The following FBN1 variants were observed in gnomAD, a reference collection of about 807,000 sequenced individuals.
FBN1 encodes fibrillin 1.
Under a neutral mutation model 365.1 loss-of-function variants are expected in FBN1, and 29 were observed. The ratio of observed to expected loss-of-function variants is 0.08; its 90% confidence interval spans 0.06 to 0.11. FBN1 has a LOEUF of 0.11. Among genes scored for constraint, FBN1 ranks in the 10% least tolerant of loss-of-function variants. The probability of loss-of-function intolerance (pLI) is 1.00; values close to 1 mark genes in which losing one functional copy is unlikely to be tolerated. For missense variants in FBN1, 2,476 were observed against 3,703.2 expected (o/e 0.67, Z 8.60); for synonymous variants, 1,210 against 1,270.5 (o/e 0.95, Z 1.01).
At chr15:48,621,315 G>T (rs1220822678) in intron 2 of FBN1, among the ~76,000 whole-genome samples, 2 of 152,136 alleles carry the variant, frequency 1.3e-5, no homozygotes, top group African/African-American at 2.4e-5. Flanking sequence ...TCCTATCTCA[G>T]CCAGGCAATG....
At chr15:48,526,646 C>T (rs74011848) in intron 8 of FBN1, among the ~76,000 whole-genome samples, 1,893 of 152,176 alleles carry the variant, frequency 0.012, 39 homozygotes, top group African/African-American at 0.044. Flanking sequence ...TTCTGTATCA[C>T]TTCTTGCGCT....
chr15:48,420,901 C>T, intron 62 of FBN1, 95 bp from the exon 63 acceptor site: 2 of 1,402,668 alleles, frequency 1.4e-6, no homozygotes, highest in Non-Finnish European at 2.0e-6. Context: ...ACACATCCTA[C>T]ACATTATTCT....
At chr15:48,429,840 T>C (rs1056198952) in intron 56 of FBN1, among the ~76,000 whole-genome samples, 3 of 152,242 alleles carry the variant, frequency 2.0e-5, no homozygotes, top group African/African-American at 4.8e-5. Flanking sequence ...ACATAAAATA[T>C]ATCTTTATAA....
chr15:48,525,243 C>A (rs530253411), intron 9 of FBN1, among the ~76,000 whole-genome samples: 67 of 152,178 alleles, frequency 4.4e-4, no homozygotes, highest in Non-Finnish European at 7.6e-4. Context: ...CCCGCCACGA[C>A]GCCTGGCAAA....
Position 48,596,344 on chromosome 15 carries a change from C to A in FBN1, c.477G>T (p.Arg159Ser), listed in dbSNP as rs1456579664. ...ATGCACATCGATTTGGGGCCACACA[C>A]CTTCCTCCATTGAGACAGCCACTTT... Reference protein sequence around the residue: ...VCESGCLNGGRCVAPNRCACT... With the variant: ...VCESGCLNGGSCVAPNRCACT... Residue 159 changes from arginine (R) to serine (S), a missense_variant, in exon 6 of 66, where the codon AGG (arginine) becomes AGT (serine). By Grantham distance (110) the Arg-to-Ser change is moderately radical (BLOSUM62 -1). Around this residue, in one of 5 missense-constraint regions of FBN1, gnomAD observed 421 missense variants for 520.1 expected, o/e 0.81. Transcript: ENST00000316623. 5 of 1,614,080 alleles carry A rather than the reference C, an allele frequency of 3.1e-6. No individual in the cohort carries two copies. Among genetic ancestry groups the A allele is most frequent in the Non-Finnish European group, 4.2e-6 (5 of 1,179,934 alleles).
intron 6 of FBN1, among the ~76,000 whole-genome samples, chr15:48,567,920 T>C (rs1597609432): frequency 6.6e-6 from 1 of 151,824 alleles, no homozygotes; most frequent in African/African-American, 2.4e-5. Context: ...ATATCAGTTC[T>C]TGTTACTTCT....
intron 17 of FBN1, among the ~76,000 whole-genome samples, chr15:48,501,640 C>T (rs2043659110): frequency 2.0e-5 from 3 of 152,030 alleles, no homozygotes; most frequent in Non-Finnish European, 4.4e-5. Flanking sequence ...TGCACTTGGT[C>T]CAGAGGAAAA....
chr15:48,620,963 G>C (rs1468923151), intron 2 of FBN1, among the ~76,000 whole-genome samples: 4 of 152,176 alleles, frequency 2.6e-5, no homozygotes, highest in Admixed American at 2.6e-4. Flanking sequence ...CCACACTGAG[G>C]GGAGCATGGC....
In FBN1 at chr15:48,468,096, C is replaced by T. The variant is rs778710767; in HGVS notation, c.4589G>A (p.Arg1530His). The T allele has an allele frequency of 1.9e-6, 3 of 1,614,016 alleles. No individual in the cohort carries two copies. The highest frequency in any genetic ancestry group is 1.1e-5 in the South Asian group (1 of 91,080). Reference sequence around the variant, plus strand: ...AATATCCAAATAGCAATTTCCAGAGCGGGTATCTATTTACCATATACAAAC... The same window carrying T: ...AATATCCAAATAGCAATTTCCAGAGTGGGTATCTATTTACCATATACAAAC... ...NPTRVGCVDT[R>H]SGNCYLDIRP... The change falls in exon 38 of 66, where the codon CGC becomes CAC. Residue 1530 changes from arginine to histidine, a missense_variant. By Grantham distance (29) the Arg-to-His change is conservative. Coordinates refer to ENST00000316623, the MANE Select transcript of FBN1 (RefSeq NM_000138.5).
chr15:48,498,085 GA>G (rs58918536), intron 18 of FBN1, among the ~76,000 whole-genome samples: 34,569 of 151,878 alleles, frequency 0.23, 4,833 homozygotes, highest in African/African-American at 0.39. Context: ...ACTGAGGAGG[GA>G]ATCTCATAGT....
At chr15:48,575,012 C>T (rs2044334418) in intron 6 of FBN1, among the ~76,000 whole-genome samples, 1 of 152,248 alleles carries the variant, frequency 6.6e-6, no homozygotes, top group East Asian at 1.9e-4. Context: ...TTAGGCATTC[C>T]TATAGGTTAA....
chr15:48,514,363 C>T (rs910423358), intron 12 of FBN1, among the ~76,000 whole-genome samples: 28 of 152,296 alleles, frequency 1.8e-4, no homozygotes, highest in South Asian at 6.2e-4. Flanking sequence ...GTTAGATGTT[C>T]CCACTTCTAC....
At position 48,616,663 on chromosome 15, in the gene FBN1, A is replaced by T. The variant is rs140065881; in HGVS notation, c.165-3571T>A. Among the ~76,000 whole-genome samples, 360 of 152,326 alleles carry T rather than the reference A, an allele frequency of 2.4e-3. 3 individuals carry two copies. Among genetic ancestry groups the T allele is most frequent in the African/African-American group, 7.9e-3 (328 of 41,576 alleles). On this transcript the variant is annotated intron_variant, in intron 2 of 65. Coordinates refer to ENST00000316623, the MANE Select transcript of FBN1 (RefSeq NM_000138.5). Reference sequence around the variant, plus strand: ...AAAGTTACTCTTTCGGGTCAATGAAAGTATAGCATCCATACCTCTTTCTCT... The same window carrying T: ...AAAGTTACTCTTTCGGGTCAATGAATGTATAGCATCCATACCTCTTTCTCT...
At chr15:48,609,678 G>T (rs1472118623) in intron 4 of FBN1, among the ~76,000 whole-genome samples, 2 of 152,116 alleles carry the variant, frequency 1.3e-5, no homozygotes, top group African/African-American at 4.8e-5. Flanking sequence ...CTAACCCCCA[G>T]CACTTCCAGC....
At chr15:48,632,569 C>T (rs1890007753) in intron 2 of FBN1, among the ~76,000 whole-genome samples, 1 of 152,156 alleles carries the variant, frequency 6.6e-6, no homozygotes, top group Admixed American at 6.5e-5. Flanking sequence ...CAGGGTTTGA[C>T]CCAAAGCATG....
intron 50 of FBN1, among the ~76,000 whole-genome samples, chr15:48,440,294 G>A (rs2043102739): frequency 6.6e-6 from 1 of 152,198 alleles, no homozygotes; most frequent in Non-Finnish European, 1.5e-5. Context: ...ATGTGGCAGG[G>A]CTGCTCACAG....
At chr15:48,602,040 C>T (rs2044571916) in intron 4 of FBN1, among the ~76,000 whole-genome samples, 1 of 152,152 alleles carries the variant, frequency 6.6e-6, no homozygotes, top group Non-Finnish European at 1.5e-5. Flanking sequence ...CTACTATGTG[C>T]CATGCAAAAC....
At chr15:48,495,383 T>C (rs951109964) in intron 21 of FBN1, 86 bp downstream of exon 21, 1 of 1,591,242 alleles carries the variant, frequency 6.3e-7, no homozygotes, top group Non-Finnish European at 8.6e-7. Flanking sequence ...TGTTCATCCA[T>C]ACTTAAATTC....
intron 48 of FBN1, among the ~76,000 whole-genome samples, chr15:48,445,118 A>G (rs1205503497): frequency 1.4e-5 from 2 of 147,634 alleles, no homozygotes. Flanking sequence ...ATATATATAT[A>G]TACACATATA....
Sources: gnomAD v4.1 joint callset for allele counts (sites outside exome capture counted in the v4.1 genomes callset) on GRCh38, gnomAD v4.1.1 for gene constraint, gnomAD v4.1.1 regional missense constraint, MANE v1.5 for transcripts, NCBI Gene and HGNC (gene_info 2026-07-23, HGNC 2026-07-21) for gene names.